PRKG1: variants seen among roughly 807,000 people sequenced by gnomAD.
The protein encoded by PRKG1 is protein kinase cGMP-dependent 1.
PRKG1 carries 35 observed loss-of-function variants against 88.1 expected under a neutral mutation model. The observed-to-expected ratio is 0.40, with a 90% CI of 0.30 to 0.53. PRKG1 has a LOEUF of 0.53. Ranked by LOEUF, PRKG1 falls within the 20% of genes least tolerant of loss-of-function variation. The pLI is 0.59. For synonymous variants in PRKG1, 303 were observed against 292.5 expected (o/e 1.04, Z -0.37); for missense variants, 540 against 839.8 (o/e 0.64, Z 4.41).
At chr10:51,290,889 G>A (rs1310735792) in intron 2 of PRKG1, among the ~76,000 whole-genome samples, 2 of 152,096 alleles carry the variant, frequency 1.3e-5, no homozygotes, top group Non-Finnish European at 2.9e-5. Flanking sequence ...AAGAAGTGAA[G>A]AGTAAAATTC....
chr10:51,641,059 TA>T (rs11435594), intron 3 of PRKG1, among the ~76,000 whole-genome samples: 27 of 150,710 alleles, frequency 1.8e-4, no homozygotes, highest in East Asian at 3.9e-4. Context: ...TATAATAAGA[TA>T]AAAAAAATCA....
In PRKG1 at chr10:52,188,293, T is replaced by TATATACAC. The variant is rs1564509174; in HGVS notation, c.1076+26335_1076+26336insCACATATA. Among the ~76,000 whole-genome samples the TATATACAC allele has an allele frequency of 3.3e-4, 7 of 21,166 alleles. 1 individual carries two copies. The highest frequency in any genetic ancestry group is 9.0e-4 in the African/African-American group (7 of 7,742). The allele number at this position is 21,166 out of a possible 152,430, so 13.9% of individuals were successfully genotyped here. A position where few individuals can be genotyped will look rare whatever the true frequency, so the allele number is the denominator to read the frequency against. ...GTATATATATACATATATATGTGTA[T>TATATACAC]ATATATATGTATATATATACATATG... On this transcript the variant is annotated intron_variant, in intron 9 of 17. Transcript: ENST00000373980.
chr10:51,920,891 C>T (rs1237983659), intron 5 of PRKG1, among the ~76,000 whole-genome samples: 1 of 152,130 alleles, frequency 6.6e-6, no homozygotes, highest in African/African-American at 2.4e-5. Flanking sequence ...CTCCCTCTCT[C>T]CCACTCACAG....
intron 2 of PRKG1, among the ~76,000 whole-genome samples, chr10:51,302,243 C>G (rs780164289): frequency 6.6e-6 from 1 of 152,136 alleles, no homozygotes; most frequent in East Asian, 1.9e-4. Flanking sequence ...CTTCCAGAGA[C>G]GTTTAAAAAC....
At chr10:51,923,089 T>G (rs1842495689) in intron 5 of PRKG1, among the ~76,000 whole-genome samples, 1 of 152,218 alleles carries the variant, frequency 6.6e-6, no homozygotes, top group East Asian at 1.9e-4. Flanking sequence ...GTTAGGTTTA[T>G]GCACTTAAAG....
intron 3 of PRKG1, among the ~76,000 whole-genome samples, chr10:51,748,587 G>A (rs2132504989): frequency 6.6e-6 from 1 of 152,204 alleles, no homozygotes; most frequent in East Asian, 1.9e-4. Context: ...TTAAAAAAGA[G>A]GACTCTCCAC....
chr10:51,518,254 T>C (rs1188801831), intron 3 of PRKG1, among the ~76,000 whole-genome samples: 2 of 152,158 alleles, frequency 1.3e-5, no homozygotes, highest in African/African-American at 4.8e-5. Flanking sequence ...CTCCTCAGCC[T>C]CCTAAAATGC....
intron 12 of PRKG1, among the ~76,000 whole-genome samples, chr10:52,280,393 C>G (rs1461380577): frequency 6.6e-6 from 1 of 152,134 alleles, no homozygotes; most frequent in African/African-American, 2.4e-5. Flanking sequence ...CCATAAACTT[C>G]TCCTTTAAAA....
At chr10:52,182,875 G>C (rs1007602244) in intron 9 of PRKG1, among the ~76,000 whole-genome samples, 7 of 152,062 alleles carry the variant, frequency 4.6e-5, no homozygotes, top group Non-Finnish European at 1.0e-4. Context: ...GTGTGATTTG[G>C]CTCACAGCTC....
At chr10:51,622,672 C>T (rs1003864021) in intron 3 of PRKG1, among the ~76,000 whole-genome samples, 1 of 152,194 alleles carries the variant, frequency 6.6e-6, no homozygotes, top group South Asian at 2.1e-4. Flanking sequence ...AAGGCCTTTT[C>T]ATTAAAATTA....
chr10:51,996,355 A>C (rs1844443803), intron 5 of PRKG1, among the ~76,000 whole-genome samples: 1 of 149,392 alleles, frequency 6.7e-6, no homozygotes, highest in Admixed American at 6.7e-5. Flanking sequence ...TAACCTACAG[A>C]ATGGGAAAAA....
rs74446516 is a variant in PRKG1, at chr10:51,105,425, A to G, written c.311+30524A>G. ...TATTATGTGATGAAGGAGGGAGATA[A>G]AAGGTGTGGGAAGTGAGGTGCTAGC... is the stretch of plus-strand genomic sequence containing the variant. On this transcript the variant is annotated intron_variant, in intron 1 of 17. Coordinates refer to ENST00000373980, the MANE Select transcript of PRKG1 (RefSeq NM_006258.4). 1.2e-4 allele frequency among the ~76,000 whole-genome samples: 19 copies of G among 152,322 alleles called. 1 individual carries two copies. In the East Asian group the frequency reaches 3.7e-3, roughly 29 times the overall value.
At chr10:51,804,293 C>A (rs1839248692) in intron 3 of PRKG1, among the ~76,000 whole-genome samples, 1 of 152,038 alleles carries the variant, frequency 6.6e-6, no homozygotes, top group Admixed American at 6.6e-5. Context: ...AAAATACTTT[C>A]TATGTGGGCT....
chr10:51,213,889 T>C (rs1838301728), intron 2 of PRKG1, among the ~76,000 whole-genome samples: 1 of 152,136 alleles, frequency 6.6e-6, no homozygotes, highest in Admixed American at 6.6e-5. Context: ...GATGAGATAT[T>C]TCTAGCATCT....
intron 1 of PRKG1, among the ~76,000 whole-genome samples, chr10:51,117,300 T>C (rs1845150393): frequency 6.6e-6 from 1 of 152,218 alleles, no homozygotes; most frequent in African/African-American, 2.4e-5. Context: ...ATTCTCCTTA[T>C]TGGGAAAGTC....
chr10:51,745,206 G>A (rs1056253381), intron 3 of PRKG1, among the ~76,000 whole-genome samples: 1 of 151,996 alleles, frequency 6.6e-6, no homozygotes, highest in Non-Finnish European at 1.5e-5. Flanking sequence ...TCAAATAATT[G>A]TTGATATATT....
At chr10:51,496,254 G>C (rs1313039774) in intron 3 of PRKG1, among the ~76,000 whole-genome samples, 1 of 152,164 alleles carries the variant, frequency 6.6e-6, no homozygotes, top group East Asian at 1.9e-4. Context: ...GAAGAATAGA[G>C]AGGTTCATTT....
intron 9 of PRKG1, among the ~76,000 whole-genome samples, chr10:52,217,609 C>T (rs1431099996): frequency 6.6e-6 from 1 of 152,082 alleles, no homozygotes; most frequent in African/African-American, 2.4e-5. Context: ...TTTACAGTTA[C>T]TCAAATAGCA....
chr10:51,603,723 G>A (rs1421891947), intron 3 of PRKG1, among the ~76,000 whole-genome samples: 1 of 152,136 alleles, frequency 6.6e-6, no homozygotes, highest in Non-Finnish European at 1.5e-5. Flanking sequence ...TTTAGCACAG[G>A]AAGACAAATA....
Sources: gnomAD v4.1 joint callset for allele counts (sites outside exome capture counted in the v4.1 genomes callset) on GRCh38, gnomAD v4.1.1 for gene constraint, MANE v1.5 for transcripts, NCBI Gene and HGNC (gene_info 2026-07-23, HGNC 2026-07-21) for gene names.